TBL1X: variants seen among roughly 807,000 people sequenced by gnomAD.
The protein encoded by TBL1X is transducin beta like 1 X-linked, also known as F-box-like/WD repeat-containing protein TBL1X.
In TBL1X, 10 loss-of-function variants were observed where a neutral mutation model predicts 50.7. The ratio of observed to expected loss-of-function variants is 0.20; its 90% confidence interval spans 0.12 to 0.33. TBL1X has a LOEUF of 0.33. Among genes scored for constraint, TBL1X ranks in the 10% least tolerant of loss-of-function variants. TBL1X has a pLI of 1.00. For synonymous variants in TBL1X, 190 were observed against 214.7 expected, an observed-to-expected ratio of 0.88 and a Z score of 1.01; for missense variants, 340 against 504.4, an observed-to-expected ratio of 0.67 and a Z score of 3.12.
intron 6 of TBL1X, among the ~76,000 whole-genome samples, chrX:9,687,177 G>A (rs755204717): frequency 2.7e-5 from 3 of 112,063 alleles, no homozygotes; most frequent in Admixed American, 9.5e-5. Context: ...ATTTTTAAAC[G>A]TGTGTGGAAA....
intron 2 of TBL1X, among the ~76,000 whole-genome samples, chrX:9,502,765 C>T (rs978342201): frequency 4.4e-5 from 5 of 112,566 alleles, no homozygotes; most frequent in African/African-American, 1.3e-4. Context: ...TAGTCTCTTG[C>T]CCTTCCACTT....
chrX:9,606,063 G>C (rs1422461503), intron 2 of TBL1X, among the ~76,000 whole-genome samples: 1 of 112,387 alleles, frequency 8.9e-6, no homozygotes, highest in Non-Finnish European at 1.9e-5. Context: ...GGTCTCTCGT[G>C]AGGTTGCAGC....
chrX:9,463,681 CAGG>C (rs1436398930), upstream of TBL1X, among the ~76,000 whole-genome samples: 2 of 111,902 alleles, frequency 1.8e-5, no homozygotes, highest in Non-Finnish European at 3.8e-5. Flanking sequence ...TGCCTGAGGT[CAGG>C]AGTTCAGACC....
chrX:9,702,448 A>G (rs1427646576), intron 12 of TBL1X, among the ~76,000 whole-genome samples: 2 of 105,561 alleles, frequency 1.9e-5, no homozygotes, highest in African/African-American at 7.0e-5. Flanking sequence ...TCTCAAAAAA[A>G]AAAAAAAAAA....
chrX:9,704,606 T>C (rs1267470021), intron 12 of TBL1X, among the ~76,000 whole-genome samples: 1 of 111,645 alleles, frequency 9.0e-6, no homozygotes, highest in African/African-American at 3.3e-5. Flanking sequence ...GCTTCTTGGC[T>C]GGGTGCAATG....
In TBL1X at chrX:9,572,315, GTCT is replaced by G. The variant is rs2147011270; in HGVS notation, c.-130-67957_-130-67955del. Among the ~76,000 whole-genome samples, 5 of 112,797 alleles carry G rather than the reference GTCT, an allele frequency of 4.4e-5. No homozygotes were observed. The South Asian group carries it at 1.8e-3, about 41-fold the overall frequency. On this transcript the variant is annotated intron_variant, in intron 2 of 17. Coordinates refer to ENST00000645353, the MANE Select transcript of TBL1X (RefSeq NM_005647.4). ...TCCCCTTGTGATCTCTGGCAGTGGG[GTCT>G]CTTCTGCTAGCTTCTCCCGAGCTTC...
At chrX:9,577,043 C>CA (rs1403516117) in intron 2 of TBL1X, among the ~76,000 whole-genome samples, 1 of 110,949 alleles carries the variant, frequency 9.0e-6, no homozygotes, top group Non-Finnish European at 1.9e-5. Flanking sequence ...ACTCAAAAAC[C>CA]AAAAAAGAGG....
chrX:9,644,791 G>T (rs1372827253), intron 3 of TBL1X: 1 of 111,456 alleles, frequency 9.0e-6, no homozygotes, highest in Non-Finnish European at 1.9e-5. Context: ...GAGTAGCTGG[G>T]ATTACAGGCG....
intron 2 of TBL1X, among the ~76,000 whole-genome samples, chrX:9,574,045 G>T (rs1360050857): frequency 9.0e-6 from 1 of 111,711 alleles, no homozygotes; most frequent in Non-Finnish European, 1.9e-5. Flanking sequence ...GCTTACAGCA[G>T]GTAGTGGGGT....
intron 12 of TBL1X, among the ~76,000 whole-genome samples, chrX:9,698,976 G>T (rs2083151866): frequency 9.0e-6 from 1 of 111,097 alleles, no homozygotes; most frequent in African/African-American, 3.3e-5. Flanking sequence ...GGGTCGTTTT[G>T]GGTTTTTTTG....
intron 2 of TBL1X, among the ~76,000 whole-genome samples, chrX:9,532,286 C>T (rs189378117): frequency 2.6e-4 from 29 of 111,870 alleles, no homozygotes; most frequent in African/African-American, 5.5e-4. Flanking sequence ...GACATCTGAG[C>T]GTTAACTGAT....
intron 6 of TBL1X, 119 bp downstream of exon 6, chrX:9,684,307 G>T (rs147834972): frequency 6.2e-6 from 6 of 974,025 alleles, no homozygotes; most frequent in Admixed American, 2.9e-5. Context: ...TTCCGCGGCA[G>T]GGTGCAGTGG....
intron 2 of TBL1X, among the ~76,000 whole-genome samples, chrX:9,531,354 G>GGGGTGTGTGT (rs755352161): frequency 2.1e-4 from 16 of 75,217 alleles, no homozygotes; most frequent in Admixed American, 3.3e-4. Flanking sequence ...GAACCTGGAG[G>GGGGTGTGTGT]GTGTGTGTGT....
chrX:9,584,541 G>A (rs1317100782), intron 2 of TBL1X, among the ~76,000 whole-genome samples: 1 of 112,051 alleles, frequency 8.9e-6, no homozygotes, highest in African/African-American at 3.3e-5. Context: ...GGACTTCCCT[G>A]TTGGGGAGAG....
intron 2 of TBL1X, among the ~76,000 whole-genome samples, chrX:9,589,465 T>C (rs1050614334): frequency 7.3e-5 from 8 of 109,962 alleles, no homozygotes; most frequent in East Asian, 2.9e-4. Flanking sequence ...CCGGTCTTGA[T>C]TGGGGATACC....
chrX:9,496,141 T>C (rs920313468), intron 1 of TBL1X, among the ~76,000 whole-genome samples: 1 of 112,480 alleles, frequency 8.9e-6, no homozygotes, highest in Non-Finnish European at 1.9e-5. Context: ...TGTGTCCGTT[T>C]GGCCCTCTGG....
At chrX:9,609,336 G>GGGGTGTGGGT (rs1555900202) in intron 2 of TBL1X, among the ~76,000 whole-genome samples, 9 of 94,772 alleles carry the variant, frequency 9.5e-5, no homozygotes, top group Admixed American at 2.3e-4. Flanking sequence ...TTTTCTTCCA[G>GGGGTGTGGGT]GTGTGTGTGT....
chrX:9,467,416 G>C (rs1430768524), intron 1 of TBL1X, among the ~76,000 whole-genome samples: 1 of 112,172 alleles, frequency 8.9e-6, no homozygotes, highest in East Asian at 2.8e-4. Flanking sequence ...TGGCTTAGCT[G>C]ATCAGCACAG....
intron 12 of TBL1X, among the ~76,000 whole-genome samples, chrX:9,703,401 T>C (rs2083187435): frequency 9.0e-6 from 1 of 111,439 alleles, no homozygotes; most frequent in South Asian, 3.8e-4. Context: ...TCATCAGTTC[T>C]CTGGCATGAG....
Sources: allele counts gnomAD v4.1 joint callset (sites outside exome capture counted in the v4.1 genomes callset), GRCh38; gene constraint gnomAD v4.1.1; transcripts MANE v1.5; gene names NCBI Gene and HGNC (gene_info 2026-07-23, HGNC 2026-07-21).